Variants in PTPN11 observed in about 807,000 individuals in gnomAD.
The protein encoded by PTPN11 is protein tyrosine phosphatase non-receptor type 11, also known as tyrosine-protein phosphatase non-receptor type 11.
In PTPN11, 6 loss-of-function variants were observed where a neutral mutation model predicts 78.8. The ratio of observed to expected loss-of-function variants is 0.08; its 90% CI spans 0.04 to 0.15. The LOEUF is 0.15. Ranked by LOEUF, PTPN11 falls within the 10% of genes least tolerant of loss-of-function variation. PTPN11 has a pLI of 1.00. For synonymous variants in PTPN11, 221 were observed against 263.5 expected, an observed-to-expected ratio of 0.84 and a Z score of 1.56; for missense variants, 386 against 744.8, an observed-to-expected ratio of 0.52 and a Z score of 5.61.
intron 6 of PTPN11, among the ~76,000 whole-genome samples, chr12:112,463,813 A>G (rs1489888207): frequency 1.3e-5 from 2 of 152,218 alleles, no homozygotes; most frequent in East Asian, 1.9e-4. Flanking sequence ...AACTGAAGCT[A>G]TATCTAAATA....
At chr12:112,443,347 T>G (rs1426234637) in intron 1 of PTPN11, among the ~76,000 whole-genome samples, 2 of 151,942 alleles carry the variant, frequency 1.3e-5, no homozygotes, top group African/African-American at 4.8e-5. Context: ...AAACTCCTCT[T>G]CATGGTTGTA....
At chr12:112,450,980 T>G (rs1345062439) in intron 3 of PTPN11, among the ~76,000 whole-genome samples, 1 of 152,218 alleles carries the variant, frequency 6.6e-6, no homozygotes, top group Non-Finnish European at 1.5e-5. Context: ...CATCAGTTCT[T>G]TTAATGTTAT....
chr12:112,500,449 A>G (rs1425276451), intron 13 of PTPN11, among the ~76,000 whole-genome samples: 1 of 152,174 alleles, frequency 6.6e-6, no homozygotes, highest in Non-Finnish European at 1.5e-5. Flanking sequence ...TTAAAATAGT[A>G]TATAAACCAA....
chr12:112,471,632 A>G (rs764700918), intron 6 of PTPN11, among the ~76,000 whole-genome samples: 8 of 151,162 alleles, frequency 5.3e-5, no homozygotes, highest in South Asian at 2.1e-4. Context: ...TGAATATTCT[A>G]TTGTTTCATT....
At chr12:112,488,859 A>G (rs2135915737) in intron 12 of PTPN11, among the ~76,000 whole-genome samples, 165 bp from the exon 13 acceptor site, 2 of 152,314 alleles carry the variant, frequency 1.3e-5, no homozygotes, top group South Asian at 4.1e-4. Flanking sequence ...TTCTGGGATC[A>G]TTGGTATTGG....
chr12:112,483,719 G>C (rs1235930776), intron 10 of PTPN11, among the ~76,000 whole-genome samples: 1 of 152,120 alleles, frequency 6.6e-6, no homozygotes, highest in Non-Finnish European at 1.5e-5. Context: ...GATTGAACTA[G>C]GCCAGTGCCC....
chr12:112,478,706 C>T (rs1456314106), intron 9 of PTPN11, among the ~76,000 whole-genome samples: 1 of 151,988 alleles, frequency 6.6e-6, no homozygotes, highest in African/African-American at 2.4e-5. Context: ...ATTTTCCTTA[C>T]CTTTTGAATG....
In PTPN11 at chr12:112,442,955, A is replaced by G. The variant is rs556370295; in HGVS notation, c.15-3321A>G. Among the ~76,000 whole-genome samples, 5 of 146,242 alleles carry G rather than the reference A, an allele frequency of 3.4e-5. No individual in the cohort carries two copies. The South Asian group carries it at 1.1e-3, about 32-fold the overall frequency. Reference sequence around the variant, plus strand: ...TAAAATACATATCTACATATAAAATACACATGTATATATACATGTGTACAT... The same window carrying G: ...TAAAATACATATCTACATATAAAATGCACATGTATATATACATGTGTACAT... On this transcript the variant is annotated intron_variant, in intron 1 of 15. Transcript: ENST00000351677.
chr12:112,506,209 G>T lies in PTPN11; in HGVS notation c.*417G>T, dbSNP rs1485945315. 1 of 151,916 alleles carries T rather than the reference G, an allele frequency of 6.6e-6. No individual in the cohort carries two copies. Among genetic ancestry groups the T allele is most frequent in the East Asian group, 1.9e-4 (1 of 5,192 alleles). The allele number at this position is 151,916 out of a possible 1,614,324, so 9.4% of individuals were successfully genotyped here. A position where few individuals can be genotyped will look rare whatever the true frequency, so the allele number is the denominator to read the frequency against. On this transcript the variant is annotated 3_prime_UTR_variant, in exon 16 of 16. Coordinates refer to ENST00000351677, the MANE Select transcript of PTPN11 (RefSeq NM_002834.5). ...TTTTCCTCATTGTTGGGGATGATGA[G>T]AAGAAATGATTTGGGAAAATTAAGT... is the stretch of plus-strand genomic sequence containing the variant.
chr12:112,498,068 G>A (rs760298422), intron 13 of PTPN11, among the ~76,000 whole-genome samples: 6 of 152,126 alleles, frequency 3.9e-5, no homozygotes, highest in African/African-American at 9.6e-5. Flanking sequence ...CATGAGAATC[G>A]CTTGAACCCG....
chr12:112,489,318 T>C (rs2038718235), intron 13 of PTPN11, 143 bp downstream of exon 13: 1 of 989,368 alleles, frequency 1.0e-6, no homozygotes, highest in Admixed American at 1.9e-5. Flanking sequence ...TAAAAGGGCC[T>C]CTGGAAACTG....
chr12:112,438,612 G>C (rs1740792935), intron 1 of PTPN11, among the ~76,000 whole-genome samples: 1 of 152,024 alleles, frequency 6.6e-6, no homozygotes, highest in Admixed American at 6.6e-5. Flanking sequence ...CTCCCGAGTA[G>C]CTGAGACTGC....
Position 112,504,674 on chromosome 12 carries a change from T to G in PTPN11, c.1713-21T>G. 1 of 1,532,812 alleles carries G rather than the reference T, an allele frequency of 6.5e-7. No individual in the cohort carries two copies. Among genetic ancestry groups the G allele is most frequent in the Non-Finnish European group, 9.0e-7 (1 of 1,108,594 alleles). 95.0% of individuals were successfully genotyped at this position (1,532,812 alleles called of 1,614,324 possible). A position where few individuals can be genotyped will look rare whatever the true frequency, so the allele number is the denominator to read the frequency against. On this transcript the variant is annotated intron_variant, in intron 14 of 15. Transcript: ENST00000351677. This position sits in a 1 kb window ranked among gnomAD's most constrained non-coding sequence, Gnocchi z 4.7. ...GTGGTCTACATTTTTGTAAATGTCT[T>G]TCTTTTTCTTTTCTCTCCAGAATGA...
At chr12:112,435,908 G>C (rs1057146270) in intron 1 of PTPN11, among the ~76,000 whole-genome samples, 1 of 152,082 alleles carries the variant, frequency 6.6e-6, no homozygotes, top group Non-Finnish European at 1.5e-5. Context: ...ATCCAGGCCG[G>C]GCATGGTGGC....
chr12:112,475,432 A>G (rs867762521), intron 7 of PTPN11, among the ~76,000 whole-genome samples: 1 of 151,380 alleles, frequency 6.6e-6, no homozygotes, highest in Non-Finnish European at 1.5e-5. Flanking sequence ...GATTGATTGT[A>G]TATAGAGATG....
chr12:112,420,036 A>G (rs918566830), intron 1 of PTPN11, among the ~76,000 whole-genome samples: 3 of 152,242 alleles, frequency 2.0e-5, no homozygotes, highest in Admixed American at 6.5e-5. Flanking sequence ...TTCAGAGGTT[A>G]AGTAAATTGC....
intron 3 of PTPN11, among the ~76,000 whole-genome samples, chr12:112,452,678 C>T (rs1166036435): frequency 6.6e-6 from 1 of 152,120 alleles, no homozygotes; most frequent in East Asian, 1.9e-4. Context: ...CAGGCAGTTG[C>T]CACCATGCCA....
chr12:112,428,542 T>C (rs1830329564), intron 1 of PTPN11, among the ~76,000 whole-genome samples: 1 of 151,920 alleles, frequency 6.6e-6, no homozygotes, highest in South Asian at 2.1e-4. Context: ...GAACTCTAAC[T>C]GCTCCTTGCT....
At chr12:112,495,621 T>C (rs954382463) in intron 13 of PTPN11, among the ~76,000 whole-genome samples, 1 of 152,242 alleles carries the variant, frequency 6.6e-6, no homozygotes, top group Admixed American at 6.5e-5. Context: ...CCTTAACTTA[T>C]GATGGGGTTA....
Sources: gnomAD v4.1 joint callset for allele counts (sites outside exome capture counted in the v4.1 genomes callset) on GRCh38, gnomAD v4.1.1 for gene constraint, Gnocchi (gnomAD v3.1) non-coding constraint, MANE v1.5 for transcripts, NCBI Gene and HGNC (gene_info 2026-07-23, HGNC 2026-07-21) for gene names.